The following CLASP2 variants were observed in gnomAD, a reference collection of about 807,000 sequenced individuals.
The protein encoded by CLASP2 is CLIP-associating protein 2.
Under a neutral mutation model 194.4 loss-of-function variants are expected in CLASP2, and 47 were observed. That is an observed-to-expected ratio of 0.24 (90% CI 0.19 to 0.31). CLASP2 has a LOEUF of 0.31. CLASP2 is among the 10% of genes least tolerant of loss of function. The pLI is 1.00. For synonymous variants in CLASP2, 619 were observed against 633.5 expected (o/e 0.98, Z 0.34); for missense variants, 1,445 against 1,823.6 (o/e 0.79, Z 3.78).
chr3:33,675,595 G>A (rs1407946142), intron 6 of CLASP2, among the ~76,000 whole-genome samples: 1 of 149,668 alleles, frequency 6.7e-6, no homozygotes, highest in Non-Finnish European at 1.5e-5. Flanking sequence ...AGGGCAATTA[G>A]GCAGGAGAAG....
At position 33,701,348 on chromosome 3, in the gene CLASP2, G is replaced by A. The variant is rs188069727; in HGVS notation, c.196-4415C>T. Among the ~76,000 whole-genome samples the A allele has an allele frequency of 4.6e-5, 7 of 152,360 alleles. No homozygotes were observed. The East Asian group carries it at 1.3e-3, about 29-fold the overall frequency. On this transcript the variant is annotated intron_variant, in intron 1 of 38. Coordinates refer to ENST00000682230, the MANE Select transcript of CLASP2 (RefSeq NM_001365631.1). ...AATGTGGGGGCTGTAAGAGGCACAT[G>A]CCTGTAATCCCAGCACTTCTGGAGG...
chr3:33,658,344 T>C (rs1047697402), intron 7 of CLASP2, among the ~76,000 whole-genome samples: 2 of 152,146 alleles, frequency 1.3e-5, no homozygotes, highest in African/African-American at 4.8e-5. Context: ...CTATAATGCC[T>C]AATAAGGCAT....
intron 25 of CLASP2, among the ~76,000 whole-genome samples, chr3:33,572,560 A>C (rs1326532271): frequency 1.3e-5 from 2 of 152,164 alleles, no homozygotes; most frequent in African/African-American, 2.4e-5. Context: ...AAGGACAATA[A>C]GGCAAGTAGG....
rs913122097 is a variant in CLASP2, at chr3:33,516,245, G to A, written c.3982-94C>T. The A allele has an allele frequency of 2.5e-6, 3 of 1,211,486 alleles. No homozygotes were observed. In the African/African-American group the frequency reaches 4.6e-5, roughly 19 times the overall value. The allele number at this position is 1,211,486 out of a possible 1,614,324, so 75.0% of individuals were successfully genotyped here. On this transcript the variant is annotated intron_variant, in intron 35 of 38. Coordinates refer to ENST00000682230, the MANE Select transcript of CLASP2 (RefSeq NM_001365631.1). ...GTAACTTAAGGGTCTTAATATTGGG[G>A]GAGGAGTTGTAGATAACTGCATAAA...
rs371355443 is a variant in CLASP2, at chr3:33,630,034, TGA to T, written c.942+2256_942+2257del. ...AAAGCAAGGAGATCCTAGTCAGTAATGAGATACTTCAATTAATGACTTTGGAA... is the reference window on the plus strand; with the variant it reads ...AAAGCAAGGAGATCCTAGTCAGTAATGATACTTCAATTAATGACTTTGGAA... On this transcript the variant is annotated intron_variant, in intron 9 of 38. Transcript: ENST00000682230. 7.8e-3 allele frequency among the ~76,000 whole-genome samples: 1,193 copies of T among 152,212 alleles called. 11 individuals carry two copies. The highest frequency in any genetic ancestry group is 0.048 in the Middle Eastern group (14 of 294).
chr3:33,626,201 C>T (rs2078021628), intron 10 of CLASP2, among the ~76,000 whole-genome samples: 2 of 151,974 alleles, frequency 1.3e-5, no homozygotes, highest in South Asian at 4.1e-4. Context: ...GTCATAAAAG[C>T]CATATTTGTC....
At chr3:33,662,304 C>T (rs934023321) in intron 7 of CLASP2, among the ~76,000 whole-genome samples, 1 of 152,130 alleles carries the variant, frequency 6.6e-6, no homozygotes, top group Admixed American at 6.6e-5. Flanking sequence ...AATACACAAA[C>T]GATCATGTTA....
intron 12 of CLASP2, among the ~76,000 whole-genome samples, chr3:33,616,734 CTTTTTTTTTTT>C (rs958911625): frequency 3.1e-5 from 3 of 95,356 alleles, no homozygotes; most frequent in South Asian, 3.5e-4. Context: ...ACTATACTTC[CTTTTTTTTTTT>C]TTTTTTTTTT....
chr3:33,664,879 C>G (rs557687293), intron 6 of CLASP2, among the ~76,000 whole-genome samples: 8 of 152,236 alleles, frequency 5.3e-5, no homozygotes, highest in African/African-American at 1.9e-4. Context: ...CAGCGCAGAT[C>G]ACCTGAGCAC....
intron 2 of CLASP2, among the ~76,000 whole-genome samples, chr3:33,692,362 A>C (rs1342673293): frequency 6.6e-6 from 1 of 152,188 alleles, no homozygotes; most frequent in Non-Finnish European, 1.5e-5. Flanking sequence ...AAGAAAATTC[A>C]AATGTTGGCC....
rs1206842177 is a variant in CLASP2 at position 33,663,491 on chromosome 3, A to C, written c.669T>G (p.Phe223Leu). 1 of 1,612,308 alleles carries C rather than the reference A, an allele frequency of 6.2e-7. No homozygotes were observed. The highest frequency in any genetic ancestry group is 1.7e-5 in the Admixed American group (1 of 59,974). The part of the protein sequence containing the change: ...PARLEMIFAK[F>L]DEVQSSGGMI... Reference sequence around the variant, plus strand: ...TACCGCCTGAACTTTGCACTTCATCAAATTTGGCAAATATCATTTCTAATC... The same window carrying C: ...TACCGCCTGAACTTTGCACTTCATCCAATTTGGCAAATATCATTTCTAATC... The change falls in exon 7 of 39, where the codon TTT becomes TTG. Residue 223 changes from phenylalanine (F) to leucine (L), a missense_variant. Phe to Leu is a conservative substitution (Grantham distance 22, BLOSUM62 0). This residue lies in a region of CLASP2 where 332 missense variants were observed against 325.3 expected (regional missense o/e 1.02). Coordinates refer to ENST00000682230, the MANE Select transcript of CLASP2 (RefSeq NM_001365631.1).
chr3:33,650,329 T>G (rs1575261361), intron 7 of CLASP2, among the ~76,000 whole-genome samples: 1 of 152,322 alleles, frequency 6.6e-6, no homozygotes, highest in East Asian at 1.9e-4. Context: ...TGCTAAAATA[T>G]TTACTGAATA....
chr3:33,656,995 TCTC>T (rs1477498817), intron 7 of CLASP2, among the ~76,000 whole-genome samples: 2 of 152,238 alleles, frequency 1.3e-5, no homozygotes, highest in East Asian at 1.9e-4. Flanking sequence ...ATAAAAGTGT[TCTC>T]CTCTGTTTAC....
chr3:33,636,819 T>C (rs903968969), intron 8 of CLASP2, among the ~76,000 whole-genome samples: 2 of 152,198 alleles, frequency 1.3e-5, no homozygotes, highest in African/African-American at 4.8e-5. Context: ...CAGGCTGGTA[T>C]TGAACTCCTG....
At chr3:33,600,045 T>C (rs573331009) in intron 18 of CLASP2, among the ~76,000 whole-genome samples, 36 of 152,272 alleles carry the variant, frequency 2.4e-4, no homozygotes, top group South Asian at 2.1e-4. Context: ...GTAAAAATAA[T>C]AGATATTCAA....
At position 33,551,325 on chromosome 3, in the gene CLASP2, G is replaced by T; in HGVS notation, c.3080C>A (p.Ser1027Tyr). Residue 1027 changes from serine to tyrosine, a missense_variant, in exon 30 of 39, where the codon TCC becomes TAC. Transcript: ENST00000682230. ...AGACACTGCTAGGCGAGTTTCACTG[G>T]AATTTATAAAATCTCCTGGATCCAT... The part of the protein sequence containing the change: ...KQMDPGDFIN[S>Y]SETRLAVSRV... The T allele has an allele frequency of 6.2e-7, 1 of 1,613,784 alleles. No individual in the cohort carries two copies. Among genetic ancestry groups the T allele is most frequent in the African/African-American group, 1.3e-5 (1 of 75,020 alleles).
At chr3:33,519,359 T>C (rs1389629218) in intron 34 of CLASP2, among the ~76,000 whole-genome samples, 1 of 152,116 alleles carries the variant, frequency 6.6e-6, no homozygotes, top group Non-Finnish European at 1.5e-5. Flanking sequence ...GTGTGCCCGA[T>C]TGTAATGTGG....
chr3:33,525,917 G>A (rs189984561), intron 34 of CLASP2, among the ~76,000 whole-genome samples: 16 of 152,296 alleles, frequency 1.1e-4, no homozygotes, highest in Non-Finnish European at 2.1e-4. Context: ...TCCCTAAGAA[G>A]GAGCTCCCAG....
intron 22 of CLASP2, among the ~76,000 whole-genome samples, chr3:33,582,456 A>T (rs2154212212): frequency 6.6e-6 from 1 of 152,244 alleles, no homozygotes; most frequent in Non-Finnish European, 1.5e-5. Flanking sequence ...GGAGATCGAG[A>T]TCAGTCTGGG....
Sources: allele counts gnomAD v4.1 joint callset (sites outside exome capture counted in the v4.1 genomes callset), GRCh38; gene constraint gnomAD v4.1.1; regional missense constraint gnomAD v4.1.1; transcripts MANE v1.5; gene names NCBI Gene and HGNC (gene_info 2026-07-23, HGNC 2026-07-21).